Variants in STK32B observed in about 807,000 individuals in gnomAD.
STK32B encodes serine/threonine kinase 32B.
A neutral mutation model predicts 52.6 loss-of-function variants in STK32B; 43 were observed. The ratio of observed to expected loss-of-function variants is 0.82; its 90% CI spans 0.64 to 1.05. STK32B has a LOEUF of 1.05. STK32B is among the 50% of genes least tolerant of loss of function. STK32B has a pLI of 0.00. For synonymous variants in STK32B, 238 were observed against 204.3 expected, an observed-to-expected ratio of 1.17 and a Z score of -1.41; for missense variants, 621 against 534.6, an observed-to-expected ratio of 1.16 and a Z score of -1.59.
At chr4:5,120,820 T>C (rs1444761101) in intron 1 of STK32B, among the ~76,000 whole-genome samples, 2 of 151,648 alleles carry the variant, frequency 1.3e-5, no homozygotes, top group African/African-American at 4.8e-5. Flanking sequence ...AAAATACATA[T>C]AGAAAAATAT....
At chr4:5,489,475 G>T (rs1719511826) in intron 11 of STK32B, among the ~76,000 whole-genome samples, 1 of 151,980 alleles carries the variant, frequency 6.6e-6, no homozygotes, top group African/African-American at 2.4e-5. Flanking sequence ...TTTAGGCTGG[G>T]TTCATAGCCT....
Position 5,394,310 on chromosome 4 carries a change from C to G in STK32B, c.435-3897C>G, listed in dbSNP as rs537637526. On this transcript the variant is annotated intron_variant, in intron 4 of 11. Coordinates refer to ENST00000282908, the MANE Select transcript of STK32B (RefSeq NM_018401.3). This position sits in a 1 kb window ranked among gnomAD's most constrained non-coding sequence, Gnocchi z 4.2. The stretch of plus-strand genomic sequence containing the variant: ...GTCTGTCCTCAGGAAACATCGTCAC[C>G]GCCTTCCCATCCATGCAATGCTCCT... 6.6e-5 allele frequency among the ~76,000 whole-genome samples: 10 copies of G among 152,250 alleles called. No individual in the cohort carries two copies. Among genetic ancestry groups the G allele is most frequent in the Non-Finnish European group, 1.3e-4 (9 of 68,022 alleles).
chr4:5,228,760 G>A (rs1436051671), intron 3 of STK32B, among the ~76,000 whole-genome samples: 7 of 152,184 alleles, frequency 4.6e-5, no homozygotes, highest in African/African-American at 1.7e-4. Flanking sequence ...CTGAGGTCAA[G>A]AGTTTGAGAC....
intron 3 of STK32B, among the ~76,000 whole-genome samples, chr4:5,235,298 A>G (rs1050584930): frequency 2.0e-5 from 3 of 152,238 alleles, no homozygotes; most frequent in Non-Finnish European, 4.4e-5. Context: ...GTGGTGGTCA[A>G]GAGCATGTTC....
At chr4:5,444,862 A>T (rs1397264055) in intron 6 of STK32B, among the ~76,000 whole-genome samples, 1 of 152,234 alleles carries the variant, frequency 6.6e-6, no homozygotes, top group Non-Finnish European at 1.5e-5. Context: ...CAGCAGCACC[A>T]GTGGTCTTCC....
intron 4 of STK32B, among the ~76,000 whole-genome samples, chr4:5,379,093 C>T (rs1735763430): frequency 1.3e-5 from 2 of 152,128 alleles, no homozygotes; most frequent in Admixed American, 1.3e-4. Flanking sequence ...AATGAGGCTG[C>T]CCCCTCCCTA....
At chr4:5,317,440 A>G (rs1318168551) in intron 3 of STK32B, among the ~76,000 whole-genome samples, 3 of 96,868 alleles carry the variant, frequency 3.1e-5, no homozygotes, top group Non-Finnish European at 5.1e-5. Flanking sequence ...TATATTACAT[A>G]TATACATAAT....
chr4:5,231,086 G>C (rs1029354858), intron 3 of STK32B, among the ~76,000 whole-genome samples: 3 of 152,070 alleles, frequency 2.0e-5, no homozygotes, highest in Non-Finnish European at 4.4e-5. Context: ...TCACCTGCCA[G>C]AGTGAGGACC....
chr4:5,119,858 G>T (rs566220125), intron 1 of STK32B, among the ~76,000 whole-genome samples: 1 of 152,268 alleles, frequency 6.6e-6, no homozygotes, highest in East Asian at 1.9e-4. Flanking sequence ...TTTGTAAAAA[G>T]TTTTAATAAT....
At chr4:5,247,241 G>A (rs1206053225) in intron 3 of STK32B, among the ~76,000 whole-genome samples, 4 of 151,818 alleles carry the variant, frequency 2.6e-5, no homozygotes, top group East Asian at 1.9e-4. Context: ...CTTCCTGGCC[G>A]CTTTTTTTAC....
chr4:5,139,437 A>G (rs952308670), intron 1 of STK32B: 1 of 162,462 alleles, frequency 6.2e-6, no homozygotes, highest in African/African-American at 2.4e-5. Flanking sequence ...GTTGTAGGAC[A>G]AAAGGCTTGA....
At chr4:5,209,514 G>T (rs1343061957) in intron 3 of STK32B, among the ~76,000 whole-genome samples, 1 of 152,194 alleles carries the variant, frequency 6.6e-6, no homozygotes, top group Non-Finnish European at 1.5e-5. Context: ...GAGAGCCACT[G>T]TGCCCAGCCT....
chr4:5,324,420 T>A (rs1372819143), intron 3 of STK32B, among the ~76,000 whole-genome samples: 6 of 152,150 alleles, frequency 3.9e-5, no homozygotes, highest in Admixed American at 3.9e-4. Context: ...ACCACATCAG[T>A]GTTAACTGTT....
chr4:5,210,233 C>T (rs141597502), intron 3 of STK32B, among the ~76,000 whole-genome samples: 1 of 152,046 alleles, frequency 6.6e-6, no homozygotes, highest in Admixed American at 6.6e-5. Context: ...TCCTCCTCCT[C>T]TTTCTTCTTC....
intron 3 of STK32B, among the ~76,000 whole-genome samples, chr4:5,232,777 C>T (rs575592443): frequency 1.3e-5 from 2 of 152,210 alleles, no homozygotes; most frequent in East Asian, 3.9e-4. Context: ...CCTTTAGGTC[C>T]ACTCTACACC....
Position 5,469,914 on chromosome 4 carries a change from A to G in STK32B, c.1106+1844A>G. Among the ~76,000 whole-genome samples, 1 of 152,176 alleles carries G rather than the reference A, an allele frequency of 6.6e-6. No homozygotes were observed. Among genetic ancestry groups the G allele is most frequent in the Non-Finnish European group, 1.5e-5 (1 of 68,016 alleles). Reference sequence around the variant, plus strand: ...CCCCCAGACTTAGAAACCCAGACCCAGGAACTTCTGCTCAAAGAGCATCAG... The same window carrying G: ...CCCCCAGACTTAGAAACCCAGACCCGGGAACTTCTGCTCAAAGAGCATCAG... On this transcript the variant is annotated intron_variant, in intron 11 of 11. Transcript: ENST00000282908. This position sits in a 1 kb window ranked among gnomAD's most constrained non-coding sequence, Gnocchi z 4.7.
intron 4 of STK32B, among the ~76,000 whole-genome samples, chr4:5,341,992 C>A (rs1050522742): frequency 1.3e-5 from 2 of 152,098 alleles, no homozygotes; most frequent in African/African-American, 4.8e-5. Context: ...CTATCCCTCC[C>A]CTCTCCCCCT....
chr4:5,446,880 ACTGGGG>A, intron 7 of STK32B, 104 bp downstream of exon 7: 1 of 1,083,728 alleles, frequency 9.2e-7, no homozygotes, highest in East Asian at 2.6e-5. Context: ...AGGAAGGAGC[ACTGGGG>A]GAGTCACTGC....
At chr4:5,425,383 C>T (rs754171450) in intron 6 of STK32B, among the ~76,000 whole-genome samples, 1 of 152,170 alleles carries the variant, frequency 6.6e-6, no homozygotes, top group Non-Finnish European at 1.5e-5. Context: ...AGTTTGCTTC[C>T]CAGAGAAAGT....
Sources: gnomAD v4.1 joint callset for allele counts (sites outside exome capture counted in the v4.1 genomes callset) on GRCh38, gnomAD v4.1.1 for gene constraint, Gnocchi (gnomAD v3.1) non-coding constraint, MANE v1.5 for transcripts, NCBI Gene and HGNC (gene_info 2026-07-23, HGNC 2026-07-21) for gene names.